CNTN4: variants seen among roughly 807,000 people sequenced by gnomAD.
CNTN4 encodes the protein contactin 4.
CNTN4 carries 77 observed loss-of-function variants against 122.5 expected under a neutral mutation model. That is an observed-to-expected ratio of 0.63 (90% CI 0.52 to 0.76). CNTN4 has a LOEUF of 0.76. Among genes scored for constraint, CNTN4 ranks in the 30% least tolerant of loss-of-function variants. The pLI, the probability that CNTN4 is intolerant of heterozygous loss-of-function variation, is 0.00. For synonymous variants in CNTN4, 512 were observed against 447.0 expected, an observed-to-expected ratio of 1.15 and a Z score of -1.83; for missense variants, 1,256 against 1,259.1, an observed-to-expected ratio of 1.00 and a Z score of 0.04.
chr3:3,036,591 C>G (rs989594624), intron 17 of CNTN4, among the ~76,000 whole-genome samples: 1 of 142,458 alleles, frequency 7.0e-6, no homozygotes, highest in Non-Finnish European at 1.5e-5. Flanking sequence ...GGCGAAATCC[C>G]GTCTCTACTA....
intron 24 of CNTN4, among the ~76,000 whole-genome samples, chr3:3,054,717 C>A (rs1701624969): frequency 6.6e-6 from 1 of 152,140 alleles, no homozygotes; most frequent in Admixed American, 6.6e-5. Context: ...GGGGTTTAGG[C>A]ACTGGGTCTT....
At chr3:2,878,555 G>C (rs1232065324) in intron 8 of CNTN4, among the ~76,000 whole-genome samples, 25 of 18,462 alleles carry the variant, frequency 1.4e-3, no homozygotes, top group African/African-American at 2.5e-3. Flanking sequence ...GATGCTCTCT[G>C]TGTGTGTGTG....
chr3:2,626,989 T>G (rs1400883209), intron 4 of CNTN4, among the ~76,000 whole-genome samples: 1 of 152,228 alleles, frequency 6.6e-6, no homozygotes, highest in Non-Finnish European at 1.5e-5. Flanking sequence ...AGTCTGCCCT[T>G]GGTTCCCACT....
chr3:2,376,454 G>A (rs995847509), intron 3 of CNTN4, among the ~76,000 whole-genome samples: 17 of 152,184 alleles, frequency 1.1e-4, no homozygotes, highest in African/African-American at 4.1e-4. Context: ...GGCAGGAGCA[G>A]TCAGGAAAGA....
chr3:2,902,990 G>A lies in CNTN4; in HGVS notation c.1192G>A (p.Glu398Lys), dbSNP rs867308720. Residue 398 changes from glutamate to lysine, a missense_variant, in exon 12 of 25, where the codon GAG becomes AAG. Glu to Lys is a moderately conservative substitution (Grantham distance 56). Transcript: ENST00000418658. Reference sequence around the variant, plus strand: ...ACATGGAGTTATCTTTTCCAACGCAGAGCTTAGTGTTATAGGTGAGTCTTT... The same window carrying A: ...ACATGGAGTTATCTTTTCCAACGCAAAGCTTAGTGTTATAGGTGAGTCTTT... ...NKHGVIFSNA[E>K]LSVIAVGPDF... 2 of 1,613,718 alleles carry A rather than the reference G, an allele frequency of 1.2e-6. No homozygotes were observed. The highest frequency in any genetic ancestry group is 1.7e-6 in the Non-Finnish European group (2 of 1,179,844).
At chr3:2,932,978 A>T (rs1030050275) in intron 13 of CNTN4, among the ~76,000 whole-genome samples, 1 of 151,936 alleles carries the variant, frequency 6.6e-6, no homozygotes, top group Admixed American at 6.6e-5. Flanking sequence ...ACCCACCACT[A>T]TGCCCGGCTA....
At position 2,438,683 on chromosome 3, in the gene CNTN4, AATGAT is replaced by A. The variant is rs567049975; in HGVS notation, c.-89+99453_-89+99457del. On this transcript the variant is annotated intron_variant, in intron 3 of 24. Transcript: ENST00000418658. ...CAGAAAGTCATGACTCAGTACAGTT[AATGAT>A]ATTCCAAAAGATGCTCAGCTCACAT... 2.4e-3 allele frequency among the ~76,000 whole-genome samples: 360 copies of A among 152,354 alleles called. 1 individual carries two copies. The highest frequency in any genetic ancestry group is 8.1e-3 in the African/African-American group (338 of 41,584).
At chr3:2,323,137 T>A (rs1299785329) in intron 2 of CNTN4, among the ~76,000 whole-genome samples, 1 of 152,136 alleles carries the variant, frequency 6.6e-6, no homozygotes, top group South Asian at 2.1e-4. Context: ...AACAACCATA[T>A]ACCTGAAGAA....
chr3:2,849,798 C>T (rs893352679), intron 7 of CNTN4, among the ~76,000 whole-genome samples: 1 of 152,140 alleles, frequency 6.6e-6, no homozygotes, highest in Non-Finnish European at 1.5e-5. Context: ...GTAAATGAAT[C>T]AGATAATGTG....
At chr3:2,253,506 A>C (rs1196432133) in intron 2 of CNTN4, among the ~76,000 whole-genome samples, 1 of 152,220 alleles carries the variant, frequency 6.6e-6, no homozygotes, top group Non-Finnish European at 1.5e-5. Context: ...TAAATTCAAC[A>C]GCTAAAAAGG....
chr3:2,847,425 C>T (rs2093474313), intron 7 of CNTN4, among the ~76,000 whole-genome samples: 1 of 152,194 alleles, frequency 6.6e-6, no homozygotes, highest in Non-Finnish European at 1.5e-5. Flanking sequence ...AATCAATGTT[C>T]ACCAAGCAAT....
intron 4 of CNTN4, among the ~76,000 whole-genome samples, chr3:2,621,449 A>G (rs955737368): frequency 6.6e-6 from 1 of 151,384 alleles, no homozygotes; most frequent in Non-Finnish European, 1.5e-5. Context: ...ATGAGAACAC[A>G]TGGTCACAGG....
chr3:2,428,567 C>T (rs576268775), intron 3 of CNTN4, among the ~76,000 whole-genome samples: 3 of 152,186 alleles, frequency 2.0e-5, no homozygotes, highest in South Asian at 4.2e-4. Flanking sequence ...TTGCTCTTCT[C>T]GAGGAGTATC....
intron 2 of CNTN4, among the ~76,000 whole-genome samples, chr3:2,277,209 A>G (rs1467462165): frequency 6.6e-6 from 1 of 152,176 alleles, no homozygotes. Flanking sequence ...GAGTCTGATA[A>G]ACATCATTTA....
chr3:2,359,840 T>C (rs931389615), intron 3 of CNTN4, among the ~76,000 whole-genome samples: 7 of 152,130 alleles, frequency 4.6e-5, no homozygotes, highest in Non-Finnish European at 8.8e-5. Flanking sequence ...CACCTGGCCG[T>C]ATATATGATT....
At position 2,349,085 on chromosome 3, in the gene CNTN4, T is replaced by C. The variant is rs572790229; in HGVS notation, c.-89+9852T>C. Among the ~76,000 whole-genome samples, 5 of 152,342 alleles carry C rather than the reference T, an allele frequency of 3.3e-5. No homozygotes were observed. The East Asian group carries it at 9.6e-4, about 29-fold the overall frequency. On this transcript the variant is annotated intron_variant, in intron 3 of 24. Transcript: ENST00000418658. ...CTGAAGTCTTTTAAAATTTACATTA[T>C]TGCAATAAATGTTTTACCCGAACTG... is the stretch of plus-strand genomic sequence containing the variant.
chr3:2,887,212 C>A lies in CNTN4; in HGVS notation c.928C>A (p.Leu310Ile). 2.5e-6 allele frequency: 4 copies of A among 1,612,942 alleles called. No homozygotes were observed. The highest frequency in any genetic ancestry group is 3.4e-6 in the Non-Finnish European group (4 of 1,179,752). The change falls in exon 10 of 25, where the codon CTA (leucine) becomes ATA (isoleucine). Residue 310 changes from leucine to isoleucine, a missense_variant. Leu to Ile is a conservative substitution (Grantham distance 5). Transcript: ENST00000418658. ...AGGGAAAAATGTAGCAAGGGGACAG[C>A]TAACTTTCTATGGTAAGTGTATGAT... Reference protein sequence around the residue: ...SRGKNVARGQLTFYAQPNWIQ... With the variant: ...SRGKNVARGQITFYAQPNWIQ...
chr3:2,568,597 G>A (rs1202935362), intron 3 of CNTN4, among the ~76,000 whole-genome samples: 3 of 152,114 alleles, frequency 2.0e-5, no homozygotes, highest in African/African-American at 7.2e-5. Context: ...GACTCTGACA[G>A]AAAAATTGAA....
chr3:3,017,788 TC>T (rs1331106693), intron 14 of CNTN4, among the ~76,000 whole-genome samples: 1 of 152,074 alleles, frequency 6.6e-6, no homozygotes, highest in Non-Finnish European at 1.5e-5. Flanking sequence ...TAAGATGAAC[TC>T]CCAAACCAAA....
Sources: allele counts gnomAD v4.1 joint callset (sites outside exome capture counted in the v4.1 genomes callset), GRCh38; gene constraint gnomAD v4.1.1; transcripts MANE v1.5; gene names NCBI Gene and HGNC (gene_info 2026-07-23, HGNC 2026-07-21).